SPOPL: variants seen among roughly 807,000 people sequenced by gnomAD.
SPOPL encodes the protein speckle-type POZ protein-like.
Under a neutral mutation model 53.8 loss-of-function variants are expected in SPOPL, and 23 were observed. The ratio of observed to expected loss-of-function variants is 0.43; its 90% CI spans 0.31 to 0.61. The LOEUF is 0.61. SPOPL is among the 20% of genes least tolerant of loss of function. The probability of loss-of-function intolerance (pLI) is 0.12; values close to 1 mark genes in which losing one functional copy is unlikely to be tolerated. For synonymous variants in SPOPL, 164 were observed against 149.7 expected, an observed-to-expected ratio of 1.10 and a Z score of -0.70; for missense variants, 442 against 466.9, an observed-to-expected ratio of 0.95 and a Z score of 0.49.
chr2:138,531,254 T>C (rs1375591463), intron 1 of SPOPL, among the ~76,000 whole-genome samples: 71 of 152,100 alleles, frequency 4.7e-4, no homozygotes, highest in Admixed American at 4.5e-3. Context: ...TTTCTTGTAG[T>C]GGTTACTGTA....
In SPOPL at chr2:138,534,540, A is replaced by G. The variant is rs533748658; in HGVS notation, c.-60-15617A>G. On this transcript the variant is annotated intron_variant, in intron 1 of 10. Transcript: ENST00000280098. ...GGACAACTTTGATTACTTTTTAATC[A>G]CAAAAGAAATGTGTATATATGTGCA... Among the ~76,000 whole-genome samples, 7 of 152,334 alleles carry G rather than the reference A, an allele frequency of 4.6e-5. No individual in the cohort carries two copies. The East Asian group carries it at 1.3e-3, about 29-fold the overall frequency.
At position 138,559,320 on chromosome 2, in the gene SPOPL, A is replaced by C; in HGVS notation, c.697A>C (p.Met233Leu). The C allele has an allele frequency of 1.9e-6, 3 of 1,612,520 alleles. No homozygotes were observed. The highest frequency in any genetic ancestry group is 1.7e-6 in the Non-Finnish European group (2 of 1,179,366). The change falls in exon 7 of 11, where the codon ATG becomes CTG. Residue 233 changes from methionine (M) to leucine (L), a missense_variant. By Grantham distance (15) the Met-to-Leu change is conservative. Coordinates refer to ENST00000280098, the MANE Select transcript of SPOPL (RefSeq NM_001001664.3). Reference protein sequence around the residue: ...PVFNAMFEHEMEESKKNRVEI... With the variant: ...PVFNAMFEHELEESKKNRVEI... Reference sequence around the variant, plus strand: ...TTTTAACGCCATGTTTGAACATGAAATGGAAGAAAGCAAAAAGGTAAACAT... The same window carrying C: ...TTTTAACGCCATGTTTGAACATGAACTGGAAGAAAGCAAAAAGGTAAACAT...
chr2:138,529,529 TGTGTGTTTGCGTGC>T (rs1684756668), intron 1 of SPOPL, among the ~76,000 whole-genome samples: 1 of 133,718 alleles, frequency 7.5e-6, no homozygotes, highest in Non-Finnish European at 1.7e-5. Flanking sequence ...TGTGTGTGTG[TGTGTGTTTGCGTGC>T]GCGCGCGCTT....
In SPOPL at chr2:138,518,046, CAA is replaced by C. The variant is rs61662616; in HGVS notation, c.-61+15945_-61+15946del. On this transcript the variant is annotated intron_variant, in intron 1 of 10. Transcript: ENST00000280098. ...CTGGGCAACAAGAGCGAAACTGTCT[CAA>C]AAAAAAAAAAAAAAAAAGAAAAGGA... is the stretch of plus-strand genomic sequence containing the variant. Among the ~76,000 whole-genome samples the C allele has an allele frequency of 1.4e-3, 96 of 67,768 alleles. 1 individual carries two copies. The highest frequency in any genetic ancestry group is 4.4e-3 in the African/African-American group (85 of 19,136). 44.5% of individuals were successfully genotyped at this position (67,768 alleles called of 152,430 possible). A position where few individuals can be genotyped will look rare whatever the true frequency, so the allele number is the denominator to read the frequency against.
At chr2:138,565,204 G>GTAGATCT (rs1277017280) in intron 10 of SPOPL, among the ~76,000 whole-genome samples, 2 of 152,190 alleles carry the variant, frequency 1.3e-5, no homozygotes, top group African/African-American at 4.8e-5. Context: ...GATGGATGCT[G>GTAGATCT]TAATATCTTA....
intron 5 of SPOPL, among the ~76,000 whole-genome samples, chr2:138,557,932 G>C (rs774625918): frequency 2.8e-4 from 43 of 152,250 alleles, no homozygotes; most frequent in Admixed American, 1.4e-3. Flanking sequence ...GTCAAGGCAG[G>C]TGGATCACTT....
At chr2:138,565,060 T>G (rs1685632266) in intron 10 of SPOPL, 67 bp downstream of exon 10, 1 of 1,566,000 alleles carries the variant, frequency 6.4e-7, no homozygotes, top group African/African-American at 1.4e-5. Context: ...TTGCATAGCC[T>G]TTTGTTCATC....
At chr2:138,503,754 A>G (rs1015621292) in intron 1 of SPOPL, among the ~76,000 whole-genome samples, 5 of 152,224 alleles carry the variant, frequency 3.3e-5, no homozygotes, top group African/African-American at 1.2e-4. Context: ...GATTCATCAT[A>G]CTGGAAAATG....
chr2:138,507,281 C>A (rs1217684234), intron 1 of SPOPL, among the ~76,000 whole-genome samples: 3 of 152,102 alleles, frequency 2.0e-5, no homozygotes, highest in Non-Finnish European at 4.4e-5. Flanking sequence ...TCTGGCTGTT[C>A]TATAAGTATC....
chr2:138,524,724 C>A (rs1684632387), intron 1 of SPOPL, among the ~76,000 whole-genome samples: 1 of 152,240 alleles, frequency 6.6e-6, no homozygotes, highest in African/African-American at 2.4e-5. Context: ...ACAAGACCCA[C>A]CTTTGCTGTA....
chr2:138,536,453 T>C (rs78226501), intron 1 of SPOPL, among the ~76,000 whole-genome samples: 1,640 of 152,248 alleles, frequency 0.011, 33 homozygotes, highest in African/African-American at 0.037. Flanking sequence ...TGGCAGGGCT[T>C]TCTTTTTGCC....
Position 138,564,704 on chromosome 2 carries a change from A to G in SPOPL, c.838-4A>G. The G allele has an allele frequency of 1.2e-6, 2 of 1,613,768 alleles. No individual in the cohort carries two copies. The highest frequency in any genetic ancestry group is 1.7e-6 in the Non-Finnish European group (2 of 1,179,872). On this transcript the variant is annotated splice_polypyrimidine_tract_variant and splice_region_variant and intron_variant, in intron 8 of 10. Transcript: ENST00000280098. ...TTTAATGGTTATGTTTTCATTTTGG[A>G]TAGTATGCACTGGAACGGCTGAAGG...
intron 1 of SPOPL, among the ~76,000 whole-genome samples, chr2:138,523,784 C>T (rs1416799577): frequency 6.6e-6 from 1 of 152,130 alleles, no homozygotes; most frequent in Non-Finnish European, 1.5e-5. Flanking sequence ...GCTGATGCAA[C>T]ATCCTTTGGT....
At chr2:138,506,028 A>G (rs780141353) in intron 1 of SPOPL, among the ~76,000 whole-genome samples, 45 of 152,306 alleles carry the variant, frequency 3.0e-4, no homozygotes, top group Non-Finnish European at 4.9e-4. Flanking sequence ...ACCATGGCCA[A>G]AATCCACGCT....
At chr2:138,545,073 G>A (rs1685162237) in intron 1 of SPOPL, among the ~76,000 whole-genome samples, 1 of 152,224 alleles carries the variant, frequency 6.6e-6, no homozygotes, top group African/African-American at 2.4e-5. Flanking sequence ...GCCTCTTAAT[G>A]CTTTTGATAA....
rs1685819638 is a variant in SPOPL at position 138,573,000 on chromosome 2, C to A, written c.*3920C>A. 1 of 152,062 alleles carries A rather than the reference C, an allele frequency of 6.6e-6. No individual in the cohort carries two copies. Among genetic ancestry groups the A allele is most frequent in the Admixed American group, 6.6e-5 (1 of 15,254 alleles). 9.4% of individuals were successfully genotyped at this position (152,062 alleles called of 1,614,324 possible). A position where few individuals can be genotyped will look rare whatever the true frequency, so the allele number is the denominator to read the frequency against. On this transcript the variant is annotated 3_prime_UTR_variant, in exon 11 of 11. Coordinates refer to ENST00000280098, the MANE Select transcript of SPOPL (RefSeq NM_001001664.3). ...TTTAAAAAATGAAGATGTAACTTAC[C>A]TGAGTCTCATTTTTGAAAATGAAAT... is the stretch of plus-strand genomic sequence containing the variant.
chr2:138,538,923 G>A (rs569497829), intron 1 of SPOPL, among the ~76,000 whole-genome samples: 12 of 151,898 alleles, frequency 7.9e-5, no homozygotes, highest in East Asian at 1.9e-4. Flanking sequence ...AACAGACCCC[G>A]GTGTGTGATG....
intron 5 of SPOPL, among the ~76,000 whole-genome samples, chr2:138,554,064 A>AG (rs1685368949): frequency 9.5e-6 from 1 of 105,486 alleles, no homozygotes; most frequent in African/African-American, 3.6e-5. Flanking sequence ...TTTAGAAAAT[A>AG]CCTTTTTTTT....
intron 8 of SPOPL, chr2:138,564,297 G>C (rs539597811): frequency 5.3e-5 from 9 of 171,052 alleles, no homozygotes; most frequent in Non-Finnish European, 1.1e-4. Flanking sequence ...ATACCTGCAA[G>C]AATGTTTAGT....
Sources: allele counts gnomAD v4.1 joint callset (sites outside exome capture counted in the v4.1 genomes callset), GRCh38; gene constraint gnomAD v4.1.1; transcripts MANE v1.5; gene names NCBI Gene and HGNC (gene_info 2026-07-23, HGNC 2026-07-21).